Variants in FRS2 observed in about 807,000 individuals in gnomAD.
FRS2 encodes the protein fibroblast growth factor receptor substrate 2.
A neutral mutation model predicts 43.9 loss-of-function variants in FRS2; 8 were observed. That is an observed-to-expected ratio of 0.18 (90% CI 0.11 to 0.33). FRS2 has a LOEUF of 0.33. FRS2 is among the 10% of genes least tolerant of loss of function. The pLI is 1.00. For missense variants in FRS2, 534 were observed against 627.6 expected (o/e 0.85, Z 1.59); for synonymous variants, 219 against 220.3 (o/e 0.99, Z 0.05).
At chr12:69,551,550 A>G (rs776306624) in intron 3 of FRS2, among the ~76,000 whole-genome samples, 11 of 152,240 alleles carry the variant, frequency 7.2e-5, no homozygotes, top group Non-Finnish European at 1.3e-4. Flanking sequence ...GGAAGGATGC[A>G]TATTGGCTTT....
rs1311086282 is a variant in FRS2, at chr12:69,572,404, T to C, written c.576+123T>C. 5.3e-6 allele frequency: 4 copies of C among 756,626 alleles called. No individual in the cohort carries two copies. The Middle Eastern group carries it at 9.9e-4, about 188-fold the overall frequency. The allele number at this position is 756,626 out of a possible 1,614,324, so 46.9% of individuals were successfully genotyped here. ...TTTATCTGTTTGTAAATTACTTTTGTAGTGAACAATCAGAGGAGATAGCAT... is the reference window on the plus strand; with the variant it reads ...TTTATCTGTTTGTAAATTACTTTTGCAGTGAACAATCAGAGGAGATAGCAT... On this transcript the variant is annotated intron_variant, in intron 8 of 8. Coordinates refer to ENST00000549921, the MANE Select transcript of FRS2 (RefSeq NM_001278356.2).
intron 4 of FRS2, among the ~76,000 whole-genome samples, chr12:69,568,752 G>A (rs148257095): frequency 1.8e-3 from 274 of 151,960 alleles, no homozygotes; most frequent in African/African-American, 6.4e-3. Flanking sequence ...TTTAGAATAG[G>A]TGACCTTTGC....
Position 69,577,421 on chromosome 12 carries a change from G to T in FRS2, c.*2466G>T, listed in dbSNP as rs1881263458. The T allele has an allele frequency of 6.6e-6, 1 of 152,256 alleles. No homozygotes were observed. The highest frequency in any genetic ancestry group is 1.5e-5 in the Non-Finnish European group (1 of 67,976). The allele number at this position is 152,256 out of a possible 1,614,324, so 9.4% of individuals were successfully genotyped here. ...GCATTAAGCTGTGTCCTCGAAGGAT[G>T]TACCTATTACTAGGTGCATTTTAGA... On this transcript the variant is annotated 3_prime_UTR_variant, in exon 9 of 9. Transcript: ENST00000549921.
chr12:69,498,908 C>T (rs989891861), intron 1 of FRS2, among the ~76,000 whole-genome samples: 23 of 152,074 alleles, frequency 1.5e-4, no homozygotes, highest in Non-Finnish European at 3.1e-4. Flanking sequence ...ATGTACCAGT[C>T]CCTTCATTAC....
At chr12:69,484,095 C>CTTTTTTTTTTTTTTTTTTTTT (rs368221087) in intron 1 of FRS2, among the ~76,000 whole-genome samples, 16 of 149,246 alleles carry the variant, frequency 1.1e-4, no homozygotes, top group Non-Finnish European at 1.8e-4. Context: ...GCTTTTCTTT[C>CTTTTTTTTTTTTTTTTTTTTT]TTTTTTTTTG....
intron 1 of FRS2, among the ~76,000 whole-genome samples, chr12:69,504,848 A>G (rs1873780061): frequency 6.6e-6 from 1 of 152,146 alleles, no homozygotes; most frequent in South Asian, 2.1e-4. Context: ...AATCCCCCAT[A>G]GACAGGGTCT....
intron 3 of FRS2, among the ~76,000 whole-genome samples, chr12:69,539,532 C>A (rs963103076): frequency 3.9e-5 from 6 of 152,100 alleles, no homozygotes; most frequent in South Asian, 2.1e-4. Flanking sequence ...ATTTTGTGCA[C>A]GCATCATGTG....
chr12:69,499,450 T>C (rs1325689082), intron 1 of FRS2, among the ~76,000 whole-genome samples: 1 of 152,132 alleles, frequency 6.6e-6, no homozygotes, highest in Admixed American at 6.5e-5. Context: ...ATTTCTACCA[T>C]GTACCATGTA....
chr12:69,490,623 T>TG (rs1159998076), intron 1 of FRS2, among the ~76,000 whole-genome samples: 1 of 152,210 alleles, frequency 6.6e-6, no homozygotes, highest in East Asian at 1.9e-4. Context: ...TTTTTTCTTT[T>TG]GGTGAAGCAC....
intron 1 of FRS2, among the ~76,000 whole-genome samples, chr12:69,514,968 G>T (rs1237596334): frequency 6.6e-6 from 1 of 152,230 alleles, no homozygotes; most frequent in African/African-American, 2.4e-5. Context: ...TGATGTTTCA[G>T]ATAAAATGTG....
rs1881169661 is a variant in FRS2 at position 69,576,072 on chromosome 12, G to T, written c.*1117G>T. 6.6e-6 allele frequency: 1 copy of T among 152,394 alleles called. No homozygotes were observed. The highest frequency in any genetic ancestry group is 1.5e-5 in the Non-Finnish European group (1 of 68,008). The allele number at this position is 152,394 out of a possible 1,614,324, so 9.4% of individuals were successfully genotyped here. A position where few individuals can be genotyped will look rare whatever the true frequency, so the allele number is the denominator to read the frequency against. ...ATTCTAAATTTGCTTGTGTCCATAG[G>T]TGATCTCTTTAGCAAACTGAGAAAA... On this transcript the variant is annotated 3_prime_UTR_variant, in exon 9 of 9. Coordinates refer to ENST00000549921, the MANE Select transcript of FRS2 (RefSeq NM_001278356.2).
intron 1 of FRS2, among the ~76,000 whole-genome samples, chr12:69,504,336 G>A (rs1346054551): frequency 6.6e-6 from 1 of 152,146 alleles, no homozygotes; most frequent in African/African-American, 2.4e-5. Context: ...GTACACTCCA[G>A]CCTGGGTGAC....
In FRS2 at chr12:69,572,227, C is replaced by A. The variant is rs1425743630; in HGVS notation, c.522C>A (p.Arg174=). 6.2e-7 allele frequency: 1 copy of A among 1,612,860 alleles called. No homozygotes were observed. The highest frequency in any genetic ancestry group is 8.5e-7 in the Non-Finnish European group (1 of 1,179,364). Residue 174 remains arginine, a synonymous_variant, in exon 8 of 9, where the codon CGC becomes CGA. Transcript: ENST00000549921. ...SSRHPSVGSA[R]LPSVGEESTH... is the part of the protein sequence containing the mutation. ...GACATCCTTCTGTGGGAAGTGCTCGCCTGCCTTCAGTAGGGGAAGAATCTA... is the reference window on the plus strand; with the variant it reads ...GACATCCTTCTGTGGGAAGTGCTCGACTGCCTTCAGTAGGGGAAGAATCTA...
intron 4 of FRS2, among the ~76,000 whole-genome samples, chr12:69,568,542 T>A (rs1250291325): frequency 2.0e-5 from 3 of 150,998 alleles, no homozygotes; most frequent in African/African-American, 7.4e-5. Flanking sequence ...TGCCTGTCTC[T>A]GTGTCTCTGG....
At chr12:69,519,601 CTT>C (rs35752373) in intron 1 of FRS2, among the ~76,000 whole-genome samples, 57,218 of 151,840 alleles carry the variant, frequency 0.38, 11,214 homozygotes, top group South Asian at 0.57. Flanking sequence ...TTGTTCCCCT[CTT>C]TGTGTCCATG....
chr12:69,487,543 C>G (rs115595439), intron 1 of FRS2, among the ~76,000 whole-genome samples: 2,831 of 152,336 alleles, frequency 0.019, 95 homozygotes, highest in African/African-American at 0.063. Context: ...TACTCACTGA[C>G]AATGTACCTG....
intron 3 of FRS2, among the ~76,000 whole-genome samples, chr12:69,551,014 G>A (rs1202183614): frequency 1.3e-5 from 2 of 151,996 alleles, no homozygotes; most frequent in Non-Finnish European, 2.9e-5. Flanking sequence ...GCTGTTTTTT[G>A]TTGAGATTTG....
At chr12:69,493,059 CAGAG>C (rs917191680) in intron 1 of FRS2, among the ~76,000 whole-genome samples, 1 of 152,150 alleles carries the variant, frequency 6.6e-6, no homozygotes, top group Non-Finnish European at 1.5e-5. Flanking sequence ...CCAAGCAAAA[CAGAG>C]AGACTATTGC....
At chr12:69,539,799 C>CA (rs1291851007) in intron 3 of FRS2, among the ~76,000 whole-genome samples, 1 of 151,768 alleles carries the variant, frequency 6.6e-6, no homozygotes, top group African/African-American at 2.4e-5. Context: ...ACTAAAAATA[C>CA]AAAAAATTAG....
Sources: allele counts gnomAD v4.1 joint callset (sites outside exome capture counted in the v4.1 genomes callset), GRCh38; gene constraint gnomAD v4.1.1; transcripts MANE v1.5; gene names NCBI Gene and HGNC (gene_info 2026-07-23, HGNC 2026-07-21).